Variants in ARNT observed in about 807,000 individuals in gnomAD.
ARNT encodes the protein aryl hydrocarbon receptor nuclear translocator, also known as class E basic helix-loop-helix protein 2.
Under a neutral mutation model 105.0 loss-of-function variants are expected in ARNT, and 30 were observed. That is an observed-to-expected ratio of 0.29 (90% CI 0.21 to 0.39). The LOEUF (loss-of-function observed/expected upper bound fraction) is 0.39. Ranked by LOEUF, ARNT falls within the 10% of genes least tolerant of loss-of-function variation. The pLI is 1.00. For synonymous variants in ARNT, 304 were observed against 344.0 expected, an observed-to-expected ratio of 0.88 and a Z score of 1.29; for missense variants, 748 against 978.7, an observed-to-expected ratio of 0.76 and a Z score of 3.15.
chr1:150,872,844 C>T (rs1196680296), intron 1 of ARNT, among the ~76,000 whole-genome samples: 2 of 152,016 alleles, frequency 1.3e-5, no homozygotes, highest in Non-Finnish European at 2.9e-5. Flanking sequence ...CACCTGTGGT[C>T]CCACCTACTC....
intron 6 of ARNT, 175 bp downstream of exon 6, chr1:150,839,266 A>T: frequency 1.6e-6 from 1 of 632,858 alleles, no homozygotes; most frequent in Non-Finnish European, 2.7e-6. Flanking sequence ...AGTTTTCACA[A>T]CTCTTCTCTA....
chr1:150,853,808 A>G (rs915458383), intron 2 of ARNT, among the ~76,000 whole-genome samples: 2 of 152,234 alleles, frequency 1.3e-5, no homozygotes, highest in African/African-American at 2.4e-5. Flanking sequence ...AAGATTATAA[A>G]CAATAAAATA....
Position 150,816,187 on chromosome 1 carries a change from A to AT in ARNT, c.1950+71dup, listed in dbSNP as rs746581148. ...AAGGTATTTAAAATAGAAAACACTG[A>AT]TTTTACATACGGAAAAAAGCCCAAA... On this transcript the variant is annotated intron_variant, in intron 19 of 21. Transcript: ENST00000358595. The AT allele has an allele frequency of 2.9e-4, 441 of 1,523,988 alleles. 2 individuals carry two copies. The highest frequency in any genetic ancestry group is 1.9e-3 in the Middle Eastern group (11 of 5,752). The allele number at this position is 1,523,988 out of a possible 1,614,324, so 94.4% of individuals were successfully genotyped here. A position where few individuals can be genotyped will look rare whatever the true frequency, so the allele number is the denominator to read the frequency against.
intron 1 of ARNT, among the ~76,000 whole-genome samples, chr1:150,872,727 C>T (rs1164902426): frequency 3.3e-5 from 5 of 152,056 alleles, no homozygotes; most frequent in African/African-American, 9.7e-5. Context: ...TGGGGAGTGC[C>T]CAACGCAGGA....
intron 3 of ARNT, 21 bp downstream of exon 3, chr1:150,852,741 G>C (rs1405640190): frequency 6.2e-7 from 1 of 1,600,100 alleles, no homozygotes; most frequent in African/African-American, 1.3e-5. Flanking sequence ...GACATCTAAG[G>C]AAAGTTTTTC....
chr1:150,876,598 C>A lies in ARNT; in HGVS notation c.-31G>T, dbSNP rs774564669. 5.0e-5 allele frequency: 63 copies of A among 1,249,550 alleles called. 3 individuals carry two copies. In the South Asian group the frequency reaches 7.9e-4, roughly 16 times the overall value. The allele number at this position is 1,249,550 out of a possible 1,614,324, so 77.4% of individuals were successfully genotyped here. ...CAGATGCCACCGCCGCCGCGCCACC[C>A]CCCCCCCCAGTGGGAGGAGCCGCCG... On this transcript the variant is annotated 5_prime_UTR_variant, in exon 1 of 22. Transcript: ENST00000358595.
chr1:150,862,008 T>C (rs924725642), intron 1 of ARNT, among the ~76,000 whole-genome samples: 3 of 152,168 alleles, frequency 2.0e-5, no homozygotes, highest in Non-Finnish European at 4.4e-5. Flanking sequence ...ACTTAGGATG[T>C]TTTCAATTTA....
chr1:150,851,076 C>A (rs1340555475), intron 3 of ARNT, among the ~76,000 whole-genome samples: 1 of 149,144 alleles, frequency 6.7e-6, no homozygotes, highest in African/African-American at 2.5e-5. Context: ...AAGTGAGGAG[C>A]CCCTCCGCCC....
intron 1 of ARNT, among the ~76,000 whole-genome samples, chr1:150,870,314 CTTAA>C (rs145021250): frequency 0.026 from 3,893 of 152,232 alleles, 158 homozygotes; most frequent in African/African-American, 0.085. Flanking sequence ...ATGTCAATGG[CTTAA>C]TTAGTTTTAT....
At chr1:150,850,417 G>A (rs973709052) in intron 3 of ARNT, among the ~76,000 whole-genome samples, 31 of 152,340 alleles carry the variant, frequency 2.0e-4, no homozygotes, top group Admixed American at 4.6e-4. Context: ...GAGTGCCTGC[G>A]ATTGCAGTCG....
At chr1:150,856,135 C>T (rs934266469) in intron 2 of ARNT, among the ~76,000 whole-genome samples, 1 of 152,160 alleles carries the variant, frequency 6.6e-6, no homozygotes, top group Non-Finnish European at 1.5e-5. Context: ...CTGTATTTTC[C>T]AATCTTTCTT....
At chr1:150,830,049 G>A in intron 10 of ARNT, 69 bp from the exon 11 acceptor site, 2 of 1,553,932 alleles carry the variant, frequency 1.3e-6, no homozygotes, top group Non-Finnish European at 1.8e-6. Context: ...ACTCAGACAA[G>A]TAAAGATTCA....
chr1:150,832,497 CAT>C, intron 8 of ARNT, 98 bp from the exon 9 acceptor site: 1 of 1,110,682 alleles, frequency 9.0e-7, no homozygotes, highest in East Asian at 2.4e-5. Context: ...TACAACCAGA[CAT>C]AGAAAATTGG....
chr1:150,849,185 A>G (rs935591151), intron 3 of ARNT, among the ~76,000 whole-genome samples: 5 of 152,314 alleles, frequency 3.3e-5, no homozygotes, highest in African/African-American at 9.6e-5. Flanking sequence ...CCTGGGCAAC[A>G]AGAGTGAAAA....
At chr1:150,847,363 G>A (rs1275792497) in intron 3 of ARNT, among the ~76,000 whole-genome samples, 1 of 147,104 alleles carries the variant, frequency 6.8e-6, no homozygotes. Context: ...CCTGGGAGGC[G>A]GAGGTTGCAG....
intron 4 of ARNT, among the ~76,000 whole-genome samples, chr1:150,845,317 T>C (rs587762968): frequency 5.5e-4 from 84 of 152,124 alleles, no homozygotes; most frequent in African/African-American, 2.0e-3. Context: ...AATAAAATAA[T>C]AGGCCAGGCA....
chr1:150,815,356 G>C (rs1426479197), intron 19 of ARNT, among the ~76,000 whole-genome samples: 1 of 151,550 alleles, frequency 6.6e-6, no homozygotes, highest in Non-Finnish European at 1.5e-5. Flanking sequence ...AGACCATCTT[G>C]GCTAACACGG....
At chr1:150,866,033 T>C (rs1557963650) in intron 1 of ARNT, among the ~76,000 whole-genome samples, 1 of 151,264 alleles carries the variant, frequency 6.6e-6, no homozygotes, top group Admixed American at 6.6e-5. Context: ...CCCAGGCTGG[T>C]GTGCAGTGGC....
intron 1 of ARNT, among the ~76,000 whole-genome samples, chr1:150,872,092 G>A (rs1446837478): frequency 6.6e-6 from 1 of 151,912 alleles, no homozygotes; most frequent in Non-Finnish European, 1.5e-5. Context: ...AAGTAGCTGG[G>A]ACTATAGAAG....
Sources: gnomAD v4.1 joint callset for allele counts (sites outside exome capture counted in the v4.1 genomes callset) on GRCh38, gnomAD v4.1.1 for gene constraint, MANE v1.5 for transcripts, NCBI Gene and HGNC (gene_info 2026-07-23, HGNC 2026-07-21) for gene names.